The following ASTN2 variants were observed in gnomAD, a reference collection of about 807,000 sequenced individuals.
The protein encoded by ASTN2 is astrotactin 2.
Under a neutral mutation model 139.8 loss-of-function variants are expected in ASTN2, and 54 were observed. The ratio of observed to expected loss-of-function variants is 0.39; its 90% CI spans 0.31 to 0.48. The LOEUF (loss-of-function observed/expected upper bound fraction) is 0.48, where lower values mean the gene tolerates loss of function less well. Among genes scored for constraint, ASTN2 ranks in the 20% least tolerant of loss-of-function variants. ASTN2 has a pLI of 0.95. For synonymous variants in ASTN2, 756 were observed against 719.5 expected, an observed-to-expected ratio of 1.05 and a Z score of -0.81; for missense variants, 1,565 against 1,725.1, an observed-to-expected ratio of 0.91 and a Z score of 1.64.
intron 16 of ASTN2, among the ~76,000 whole-genome samples, chr9:116,688,961 T>A (rs532572905): frequency 6.6e-6 from 1 of 152,126 alleles, no homozygotes; most frequent in Non-Finnish European, 1.5e-5. Flanking sequence ...CAAGTCTGGC[T>A]TTGTCTCCTA....
intron 10 of ASTN2, among the ~76,000 whole-genome samples, chr9:116,948,698 A>AGTGTGTGAGT (rs1835466304): frequency 7.4e-6 from 1 of 135,276 alleles, no homozygotes; most frequent in Non-Finnish European, 1.5e-5. Flanking sequence ...TATATGTGTG[A>AGTGTGTGAGT]GTGTGTGTGT....
chr9:117,077,014 G>A (rs1270584776), intron 5 of ASTN2, among the ~76,000 whole-genome samples: 2 of 152,092 alleles, frequency 1.3e-5, no homozygotes, highest in East Asian at 3.9e-4. Context: ...GTTCAGAGAC[G>A]CATGGGTAAC....
chr9:117,174,756 A>C (rs577054740), intron 3 of ASTN2, among the ~76,000 whole-genome samples: 1 of 152,212 alleles, frequency 6.6e-6, no homozygotes, highest in Non-Finnish European at 1.5e-5. Flanking sequence ...CACGGCTTGA[A>C]AAATGATTAG....
intron 13 of ASTN2, among the ~76,000 whole-genome samples, chr9:116,802,033 G>A (rs1830873035): frequency 6.6e-6 from 1 of 151,624 alleles, no homozygotes; most frequent in Admixed American, 6.6e-5. Flanking sequence ...TCTGGGACTG[G>A]ACAGTCAGTC....
At chr9:116,555,298 CAAG>C (rs1403253176) in intron 19 of ASTN2, among the ~76,000 whole-genome samples, 1 of 152,134 alleles carries the variant, frequency 6.6e-6, no homozygotes, top group Non-Finnish European at 1.5e-5. Context: ...GCTCCCTGGC[CAAG>C]AAGAGAGACA....
intron 2 of ASTN2, among the ~76,000 whole-genome samples, chr9:117,226,222 A>C (rs1296561850): frequency 1.3e-5 from 2 of 152,200 alleles, no homozygotes; most frequent in African/African-American, 4.8e-5. Flanking sequence ...ATAATCAGCT[A>C]AACTGTGTAG....
At chr9:116,963,820 A>G (rs1588444500) in intron 10 of ASTN2, among the ~76,000 whole-genome samples, 1 of 152,154 alleles carries the variant, frequency 6.6e-6, no homozygotes, top group East Asian at 1.9e-4. Flanking sequence ...CACCAGCAGG[A>G]GGTTTGGTGA....
At chr9:116,447,403 C>T (rs1848032204) in intron 20 of ASTN2, among the ~76,000 whole-genome samples, 2 of 152,132 alleles carry the variant, frequency 1.3e-5, no homozygotes, top group South Asian at 4.2e-4. Flanking sequence ...TGGTTCTGCT[C>T]AACTCTAAAC....
intron 5 of ASTN2, among the ~76,000 whole-genome samples, chr9:117,093,934 T>G (rs967256473): frequency 6.6e-6 from 1 of 152,184 alleles, no homozygotes; most frequent in Non-Finnish European, 1.5e-5. Flanking sequence ...TGTCTCCTTT[T>G]CTTTTAGCAT....
chr9:116,649,867 A>G (rs1564181625), intron 17 of ASTN2, among the ~76,000 whole-genome samples: 1 of 152,144 alleles, frequency 6.6e-6, no homozygotes, highest in Non-Finnish European at 1.5e-5. Flanking sequence ...TTGGCTTACA[A>G]TATTGTGGAA....
intron 20 of ASTN2, among the ~76,000 whole-genome samples, chr9:116,463,057 C>T (rs1482850809): frequency 2.0e-5 from 3 of 151,924 alleles, no homozygotes; most frequent in Non-Finnish European, 2.9e-5. Flanking sequence ...CATCCCCAAC[C>T]CTTCCCTCTG....
chr9:116,828,120 C>A (rs1418900882), intron 11 of ASTN2, among the ~76,000 whole-genome samples: 1 of 151,968 alleles, frequency 6.6e-6, no homozygotes, highest in Non-Finnish European at 1.5e-5. Context: ...CATGGTGAAA[C>A]CCTGTCTCTA....
At chr9:116,678,120 T>G (rs1301226113) in intron 16 of ASTN2, among the ~76,000 whole-genome samples, 2 of 152,206 alleles carry the variant, frequency 1.3e-5, no homozygotes, top group Non-Finnish European at 2.9e-5. Flanking sequence ...ATTGGTAAAA[T>G]GTCTTAAAAA....
chr9:117,326,654 A>G (rs10983621), intron 1 of ASTN2, among the ~76,000 whole-genome samples: 70,033 of 151,972 alleles, frequency 0.46, 16,390 homozygotes, highest in East Asian at 0.53. Context: ...AGAGGATTGA[A>G]ATTGGGGATA....
At chr9:116,767,262 A>AC (rs1363869080) in intron 13 of ASTN2, among the ~76,000 whole-genome samples, 1 of 151,690 alleles carries the variant, frequency 6.6e-6, no homozygotes, top group Non-Finnish European at 1.5e-5. Context: ...ACCTACTCAC[A>AC]CCCTAGGTAC....
intron 19 of ASTN2, among the ~76,000 whole-genome samples, chr9:116,572,344 G>A (rs1163312473): frequency 6.6e-6 from 1 of 152,138 alleles, no homozygotes; most frequent in Non-Finnish European, 1.5e-5. Flanking sequence ...GTGTGGGAGC[G>A]CCCTCTGTTG....
intron 10 of ASTN2, among the ~76,000 whole-genome samples, chr9:116,958,316 C>A (rs7025849): frequency 0.64 from 97,567 of 152,018 alleles, 35,007 homozygotes; most frequent in Admixed American, 0.8. Flanking sequence ...ACTGGCCGGG[C>A]GTGGTGGCTC....
intron 2 of ASTN2, among the ~76,000 whole-genome samples, chr9:117,289,242 C>G (rs369754493): frequency 6.6e-6 from 1 of 152,122 alleles, no homozygotes; most frequent in African/African-American, 2.4e-5. Context: ...TTGGACCACA[C>G]GGTGGTAGCC....
intron 7 of ASTN2, among the ~76,000 whole-genome samples, chr9:116,998,549 T>TCATCCATCCATC (rs35712923): frequency 0.78 from 116,772 of 150,542 alleles, 45,602 homozygotes; most frequent in Admixed American, 0.84. Context: ...AATTTGATTT[T>TCATCCATCCATC]CATCCATCCA....
Sources: allele counts gnomAD v4.1 joint callset (sites outside exome capture counted in the v4.1 genomes callset), GRCh38; gene constraint gnomAD v4.1.1; transcripts MANE v1.5; gene names NCBI Gene and HGNC (gene_info 2026-07-23, HGNC 2026-07-21).